ASCC1: variants seen among roughly 807,000 people sequenced by gnomAD.
ASCC1 encodes the protein activating signal cointegrator 1 complex subunit 1, also known as ASC-1 complex subunit P50.
Under a neutral mutation model 46.6 loss-of-function variants are expected in ASCC1, and 35 were observed. The ratio of observed to expected loss-of-function variants is 0.75; its 90% CI spans 0.57 to 0.99. ASCC1 has a LOEUF of 0.99. ASCC1 is among the 50% of genes least tolerant of loss of function. The probability of loss-of-function intolerance (pLI) is 0.00; values close to 1 mark genes in which losing one functional copy is unlikely to be tolerated. For missense variants in ASCC1, 376 were observed against 428.7 expected (o/e 0.88, Z 1.09); for synonymous variants, 143 against 146.6 (o/e 0.98, Z 0.18).
intron 9 of ASCC1, among the ~76,000 whole-genome samples, chr10:72,120,355 C>A (rs111764347): frequency 2.6e-5 from 4 of 151,922 alleles, no homozygotes; most frequent in Non-Finnish European, 5.9e-5. Context: ...GATATGACAA[C>A]AGAAACTTCC....
intron 6 of ASCC1, chr10:72,159,211 C>T (rs934583629): frequency 6.6e-6 from 1 of 152,168 alleles, no homozygotes; most frequent in African/African-American, 2.4e-5. Context: ...ATTTGAAAAA[C>T]TACAATTACT....
intron 5 of ASCC1, among the ~76,000 whole-genome samples, chr10:72,179,745 A>G (rs1339663102): frequency 6.6e-6 from 1 of 152,236 alleles, no homozygotes; most frequent in Admixed American, 6.5e-5. Flanking sequence ...CTAGCAAAAT[A>G]CAAAGCTCAA....
intron 5 of ASCC1, among the ~76,000 whole-genome samples, chr10:72,192,743 C>A (rs981769510): frequency 6.6e-6 from 1 of 152,204 alleles, no homozygotes; most frequent in African/African-American, 2.4e-5. Context: ...ATCCACCCAC[C>A]TCCATCTCCC....
At chr10:72,189,035 G>A (rs934294914) in intron 5 of ASCC1, among the ~76,000 whole-genome samples, 4 of 151,976 alleles carry the variant, frequency 2.6e-5, no homozygotes, top group African/African-American at 9.7e-5. Flanking sequence ...AGATTAGAAG[G>A]CCTAAGCTAC....
chr10:72,198,710 TCACACGAATGCA>T (rs779085234), intron 4 of ASCC1: 65 of 455,868 alleles, frequency 1.4e-4, no homozygotes, highest in Non-Finnish European at 2.6e-4. Flanking sequence ...AGAGCAAATA[TCACACGAATGCA>T]ACTGCAGACT....
rs1330983300 is a variant in ASCC1, at chr10:72,097,111, C to T, written c.*223G>A. The T allele has an allele frequency of 1.7e-6, 1 of 600,540 alleles. No homozygotes were observed. The highest frequency in any genetic ancestry group is 3.1e-6 in the Non-Finnish European group (1 of 319,490). 37.2% of individuals were successfully genotyped at this position (600,540 alleles called of 1,614,324 possible). A position where few individuals can be genotyped will look rare whatever the true frequency, so the allele number is the denominator to read the frequency against. ...AAAATTAAAAGAAAAAAAACCAGAACACACTAAGGGTTATAGGCACAAATT... is the reference window on the plus strand; with the variant it reads ...AAAATTAAAAGAAAAAAAACCAGAATACACTAAGGGTTATAGGCACAAATT... On this transcript the variant is annotated 3_prime_UTR_variant, in exon 10 of 10. Coordinates refer to ENST00000672957, the MANE Select transcript of ASCC1 (RefSeq NM_001198800.3).
At chr10:72,172,919 TTA>T (rs1306158404) in intron 5 of ASCC1, among the ~76,000 whole-genome samples, 4 of 137,368 alleles carry the variant, frequency 2.9e-5, no homozygotes, top group Middle Eastern at 3.6e-3. Context: ...TATTTTTATA[TTA>T]TATATTATAT....
rs1201104659 is a variant in ASCC1, at chr10:72,096,112, A to G, written c.*1222T>C. On this transcript the variant is annotated 3_prime_UTR_variant, in exon 10 of 10. Coordinates refer to ENST00000672957, the MANE Select transcript of ASCC1 (RefSeq NM_001198800.3). ...CTGTTAGACACAGTCCTCACAATGT[A>G]GCAACTTAACACAGAGTTCAGAAGT... 3 of 454,170 alleles carry G rather than the reference A, an allele frequency of 6.6e-6. No homozygotes were observed. Among genetic ancestry groups the G allele is most frequent in the East Asian group, 1.4e-4 (2 of 14,400 alleles). 28.1% of individuals were successfully genotyped at this position (454,170 alleles called of 1,614,324 possible).
Position 72,096,296 on chromosome 10 carries a change from G to T in ASCC1, c.*1038C>A. The T allele has an allele frequency of 2.2e-6, 1 of 454,068 alleles. No homozygotes were observed. The highest frequency in any genetic ancestry group is 4.4e-6 in the Non-Finnish European group (1 of 226,742). The allele number at this position is 454,068 out of a possible 1,614,324, so 28.1% of individuals were successfully genotyped here. A position where few individuals can be genotyped will look rare whatever the true frequency, so the allele number is the denominator to read the frequency against. ...TCTGCTGGTCCGTGGTGAGGGAGGAGTGAGGGCCTCCTGTGGCTGACATTC... is the reference window on the plus strand; with the variant it reads ...TCTGCTGGTCCGTGGTGAGGGAGGATTGAGGGCCTCCTGTGGCTGACATTC... On this transcript the variant is annotated 3_prime_UTR_variant, in exon 10 of 10. Coordinates refer to ENST00000672957, the MANE Select transcript of ASCC1 (RefSeq NM_001198800.3).
intron 9 of ASCC1, among the ~76,000 whole-genome samples, chr10:72,115,054 G>A (rs956342620): frequency 6.6e-6 from 1 of 152,170 alleles, no homozygotes; most frequent in African/African-American, 2.4e-5. Flanking sequence ...CTTGGTTAGA[G>A]GGCCATAAAA....
At chr10:72,157,722 T>C (rs1004353327) in intron 6 of ASCC1, among the ~76,000 whole-genome samples, 26 of 152,180 alleles carry the variant, frequency 1.7e-4, no homozygotes, top group African/African-American at 6.3e-4. Context: ...GCACTTAAAA[T>C]GGTTATGATG....
At chr10:72,132,493 T>C (rs956959722) in intron 8 of ASCC1, among the ~76,000 whole-genome samples, 1 of 152,208 alleles carries the variant, frequency 6.6e-6, no homozygotes, top group Non-Finnish European at 1.5e-5. Context: ...TCAACCTCTG[T>C]GCTACGACAT....
chr10:72,202,913 G>C (rs1856686114), intron 4 of ASCC1, among the ~76,000 whole-genome samples: 1 of 152,092 alleles, frequency 6.6e-6, no homozygotes, highest in South Asian at 2.1e-4. Context: ...ATAAAATTAA[G>C]GCCCAGGTAC....
intron 4 of ASCC1, among the ~76,000 whole-genome samples, chr10:72,197,742 C>T (rs1030737926): frequency 1.3e-5 from 2 of 151,026 alleles, no homozygotes; most frequent in African/African-American, 4.9e-5. Flanking sequence ...CCCATCTCTA[C>T]TAAAAATACA....
At chr10:72,133,249 A>G (rs1355584616) in intron 7 of ASCC1, 68 bp from the exon 8 acceptor site, 6 of 1,537,272 alleles carry the variant, frequency 3.9e-6, no homozygotes, top group African/African-American at 1.4e-5. Flanking sequence ...TACCAATTCA[A>G]CAATGTTTAT....
chr10:72,172,103 TG>T (rs778224108), intron 5 of ASCC1, among the ~76,000 whole-genome samples: 12 of 152,068 alleles, frequency 7.9e-5, no homozygotes, highest in Non-Finnish European at 1.3e-4. Context: ...TTAACAATTT[TG>T]AAGTTTTTTT....
intron 9 of ASCC1, among the ~76,000 whole-genome samples, chr10:72,121,962 C>T (rs1844258207): frequency 6.6e-6 from 1 of 152,160 alleles, no homozygotes; most frequent in South Asian, 2.1e-4. Flanking sequence ...TTCTCAGGCT[C>T]ACAGGAAACA....
At chr10:72,176,798 C>T (rs1851908539) in intron 5 of ASCC1, among the ~76,000 whole-genome samples, 1 of 152,112 alleles carries the variant, frequency 6.6e-6, no homozygotes, top group African/African-American at 2.4e-5. Flanking sequence ...ACAAATTCCT[C>T]ACTCTCCCCT....
At chr10:72,126,582 C>G (rs1319377659) in intron 9 of ASCC1, among the ~76,000 whole-genome samples, 1 of 152,192 alleles carries the variant, frequency 6.6e-6, no homozygotes, top group African/African-American at 2.4e-5. Flanking sequence ...TGACTTGTAC[C>G]AACACACAAG....
Sources: gnomAD v4.1 joint callset for allele counts (sites outside exome capture counted in the v4.1 genomes callset) on GRCh38, gnomAD v4.1.1 for gene constraint, MANE v1.5 for transcripts, NCBI Gene and HGNC (gene_info 2026-07-23, HGNC 2026-07-21) for gene names.